CNBD2: variants seen among roughly 807,000 people sequenced by gnomAD.
The protein encoded by CNBD2 is cyclic nucleotide-binding domain-containing protein 2.
Under a neutral mutation model 63.7 loss-of-function variants are expected in CNBD2, and 64 were observed. The ratio of observed to expected loss-of-function variants is 1.00; its 90% confidence interval spans 0.82 to 1.24. The LOEUF (loss-of-function observed/expected upper bound fraction) is 1.24, where lower values mean the gene tolerates loss of function less well. CNBD2 is among the 50% of genes most tolerant of loss of function. CNBD2 has a pLI of 0.00. For missense variants in CNBD2, 691 were observed against 713.5 expected, an observed-to-expected ratio of 0.97 and a Z score of 0.36; for synonymous variants, 229 against 255.4, an observed-to-expected ratio of 0.90 and a Z score of 0.99.
chr20:35,978,859 G>A (rs2056559098), intron 3 of CNBD2, among the ~76,000 whole-genome samples: 1 of 152,186 alleles, frequency 6.6e-6, no homozygotes, highest in African/African-American at 2.4e-5. Flanking sequence ...CATAAAAGTG[G>A]TAAACTCAGA....
intron 3 of CNBD2, among the ~76,000 whole-genome samples, chr20:35,980,239 C>T (rs2056577052): frequency 6.6e-6 from 1 of 152,092 alleles, no homozygotes; most frequent in African/African-American, 2.4e-5. Flanking sequence ...TGAGTTTCTT[C>T]ATCTGTCAAA....
intron 7 of CNBD2, among the ~76,000 whole-genome samples, chr20:35,991,791 A>T (rs187455758): frequency 3.1e-4 from 47 of 152,192 alleles, no homozygotes; most frequent in Non-Finnish European, 6.5e-4. Context: ...ATGCTTACTC[A>T]GTGAGCATTC....
intron 10 of CNBD2, among the ~76,000 whole-genome samples, chr20:36,019,529 GAAA>G (rs60556168): frequency 1.3e-3 from 94 of 71,716 alleles, no homozygotes; most frequent in East Asian, 4.8e-3. Context: ...CTCAAAAAAA[GAAA>G]AAAAAAAAAA....
At chr20:36,019,380 G>A (rs1037627487) in intron 10 of CNBD2, among the ~76,000 whole-genome samples, 5 of 151,804 alleles carry the variant, frequency 3.3e-5, no homozygotes, top group Admixed American at 2.6e-4. Flanking sequence ...AAAATTAGCC[G>A]GGTGTGGTGG....
intron 7 of CNBD2, among the ~76,000 whole-genome samples, chr20:35,989,176 G>A: frequency 6.6e-6 from 1 of 152,184 alleles, no homozygotes; most frequent in East Asian, 1.9e-4. Flanking sequence ...AGCTGATGAA[G>A]TGCAGAGGCA....
At chr20:35,957,961 A>G (rs568294890), downstream of CNBD2, among the ~76,000 whole-genome samples, 28 of 152,348 alleles carry the variant, frequency 1.8e-4, no homozygotes, top group South Asian at 8.3e-4. Context: ...AGGAAAGAGG[A>G]CAAATGTGGA....
intron 3 of CNBD2, 148 bp from the exon 4 acceptor site, chr20:35,980,311 A>G: frequency 3.0e-6 from 2 of 674,630 alleles, no homozygotes; most frequent in South Asian, 1.9e-5. Context: ...TGTTTATCCC[A>G]GTGCCTGACA....
upstream of CNBD2, among the ~76,000 whole-genome samples, chr20:35,967,698 C>CAA (rs2056358164): frequency 6.6e-6 from 1 of 151,836 alleles, no homozygotes; most frequent in Admixed American, 6.6e-5. Context: ...ACTAAAAATA[C>CAA]AAAAATCAGC....
rs370407697 is a variant in CNBD2 at position 35,987,570 on chromosome 20, T to G, written c.855+37T>G. ...GGGGGTTGGGATGAGGGTGAACCTC[T>G]GAGGAGCATGCCTAAGATCATGTCC... On this transcript the variant is annotated intron_variant, in intron 7 of 11. Coordinates refer to ENST00000373973, the MANE Select transcript of CNBD2 (RefSeq NM_001365709.1). 37 of 1,611,434 alleles carry G rather than the reference T, an allele frequency of 2.3e-5. No homozygotes were observed. The African/African-American group carries it at 3.6e-4, about 16-fold the overall frequency.
chr20:35,985,487 CTTTTT>C, intron 6 of CNBD2, among the ~76,000 whole-genome samples: 1 of 134,184 alleles, frequency 7.5e-6, no homozygotes, highest in African/African-American at 2.8e-5. Context: ...ACTATAATTC[CTTTTT>C]TTTTTTTTTT....
At chr20:35,994,118 T>G (rs2056787548) in intron 7 of CNBD2, among the ~76,000 whole-genome samples, 1 of 151,994 alleles carries the variant, frequency 6.6e-6, no homozygotes, top group Admixed American at 6.6e-5. Flanking sequence ...CAGGCTGCAG[T>G]GCAATGATGC....
intron 3 of CNBD2, among the ~76,000 whole-genome samples, chr20:35,977,343 C>T (rs916164434): frequency 1.3e-5 from 2 of 152,090 alleles, no homozygotes; most frequent in African/African-American, 2.4e-5. Context: ...TACAGGTGTG[C>T]GCTGCTGAGC....
chr20:36,024,102 G>A (rs2057255162), intron 11 of CNBD2, among the ~76,000 whole-genome samples: 1 of 152,138 alleles, frequency 6.6e-6, no homozygotes, highest in African/African-American at 2.4e-5. Context: ...TTGGGAAGCT[G>A]AGGCAGGCAG....
chr20:35,989,729 G>T (rs192678371), intron 7 of CNBD2, among the ~76,000 whole-genome samples: 83 of 152,150 alleles, frequency 5.5e-4, no homozygotes, highest in African/African-American at 1.8e-3. Context: ...ATTAGGAGCT[G>T]GGCATGGTGG....
chr20:35,975,429 T>A, intron 2 of CNBD2, among the ~76,000 whole-genome samples: 1 of 108,998 alleles, frequency 9.2e-6, no homozygotes. Context: ...GCCTCCCGAG[T>A]AGCTGGGACT....
At chr20:35,987,678 T>A in intron 7 of CNBD2, 145 bp downstream of exon 7, 1 of 879,644 alleles carries the variant, frequency 1.1e-6, no homozygotes, top group Non-Finnish European at 1.7e-6. Context: ...GTCCCAGCTG[T>A]AAGAGGCCTG....
In CNBD2 at chr20:35,984,796, C is replaced by T. The variant is rs750576202; in HGVS notation, c.716+18C>T. 6.2e-7 allele frequency: 1 copy of T among 1,613,232 alleles called. No individual in the cohort carries two copies. Among genetic ancestry groups the T allele is most frequent in the African/African-American group, 1.3e-5 (1 of 74,874 alleles). On this transcript the variant is annotated intron_variant, in intron 6 of 11. Transcript: ENST00000373973. ...TTTTTTAGGTAACTCTGCCTTCATT[C>T]AACATTTTTTTCCCCTTGTGTGTTT...
upstream of CNBD2, among the ~76,000 whole-genome samples, chr20:35,967,544 TAAAAA>T (rs563739384): frequency 8.3e-6 from 1 of 119,966 alleles, no homozygotes; most frequent in Non-Finnish European, 1.8e-5. Context: ...ACTGCTTTCT[TAAAAA>T]AAAAAAAAAA....
intron 7 of CNBD2, among the ~76,000 whole-genome samples, chr20:35,994,359 C>T (rs970288080): frequency 7.3e-5 from 11 of 149,752 alleles, no homozygotes; most frequent in Admixed American, 1.3e-4. Flanking sequence ...GCCACAAGGC[C>T]GGCTTAATTT....
Sources: allele counts gnomAD v4.1 joint callset (sites outside exome capture counted in the v4.1 genomes callset), GRCh38; gene constraint gnomAD v4.1.1; transcripts MANE v1.5; gene names NCBI Gene and HGNC (gene_info 2026-07-23, HGNC 2026-07-21).